The following CRPPA variants were observed in gnomAD, a reference collection of about 807,000 sequenced individuals.
CRPPA encodes the protein D-ribitol-5-phosphate cytidylyltransferase.
In CRPPA, 43 loss-of-function variants were observed where a neutral mutation model predicts 52.0. That is an observed-to-expected ratio of 0.83 (90% confidence interval 0.65 to 1.07). CRPPA has a LOEUF of 1.07. CRPPA is among the 50% of genes least tolerant of loss of function. CRPPA has a pLI of 0.00. For synonymous variants in CRPPA, 250 were observed against 203.5 expected (o/e 1.23, Z -1.94); for missense variants, 629 against 551.7 (o/e 1.14, Z -1.40).
chr7:16,389,925 AAAAAT>A (rs1441696800), intron 2 of CRPPA, among the ~76,000 whole-genome samples: 19 of 72,362 alleles, frequency 2.6e-4, no homozygotes, highest in East Asian at 1.8e-3. Context: ...AAAAAAAAAA[AAAAAT>A]ATATATATAT....
chr7:16,380,885 T>C (rs1196851372), intron 2 of CRPPA, among the ~76,000 whole-genome samples: 7 of 152,130 alleles, frequency 4.6e-5, no homozygotes, highest in Admixed American at 4.6e-4. Flanking sequence ...CTCTCTTTTC[T>C]TCTTTATTAG....
chr7:16,168,999 G>A (rs981747998), intron 9 of CRPPA, among the ~76,000 whole-genome samples: 27 of 152,098 alleles, frequency 1.8e-4, no homozygotes, highest in African/African-American at 6.5e-4. Context: ...AACTCTATGG[G>A]AAATTTTGTT....
intron 8 of CRPPA, among the ~76,000 whole-genome samples, chr7:16,238,566 CTT>C (rs1783012333): frequency 1.3e-5 from 2 of 152,070 alleles, no homozygotes; most frequent in South Asian, 2.1e-4. Context: ...AAAATTTAGA[CTT>C]AATCTGTAAA....
At chr7:16,360,918 C>T (rs1786426344) in intron 3 of CRPPA, among the ~76,000 whole-genome samples, 1 of 151,652 alleles carries the variant, frequency 6.6e-6, no homozygotes, top group African/African-American at 2.4e-5. Context: ...GAAGATGTAT[C>T]AATAAAAAAA....
chr7:16,286,081 A>ATAT (rs71007758), intron 5 of CRPPA, among the ~76,000 whole-genome samples: 1 of 28,254 alleles, frequency 3.5e-5, no homozygotes, highest in Non-Finnish European at 6.4e-5. Flanking sequence ...ATATATATAT[A>ATAT]ATATTTAAAA....
chr7:16,281,747 A>G (rs1231249501), intron 5 of CRPPA, among the ~76,000 whole-genome samples: 1 of 152,214 alleles, frequency 6.6e-6, no homozygotes. Flanking sequence ...GCTTTTAATA[A>G]AAATTCAGTA....
intron 9 of CRPPA, among the ~76,000 whole-genome samples, chr7:16,203,688 T>C (rs563827804): frequency 3.3e-5 from 5 of 152,262 alleles, no homozygotes; most frequent in African/African-American, 1.2e-4. Context: ...GAAGCCATTA[T>C]CTTAGAATTT....
At chr7:16,318,063 T>C (rs918152680) in intron 3 of CRPPA, among the ~76,000 whole-genome samples, 1 of 152,190 alleles carries the variant, frequency 6.6e-6, no homozygotes, top group Non-Finnish European at 1.5e-5. Context: ...AGTCTCTAAC[T>C]GGAAGCTCCA....
At chr7:16,231,889 A>G (rs144195957) in intron 8 of CRPPA, among the ~76,000 whole-genome samples, 1 of 152,218 alleles carries the variant, frequency 6.6e-6, no homozygotes, top group East Asian at 1.9e-4. Flanking sequence ...TGAGCTGTAC[A>G]TGTACCCCAT....
intron 9 of CRPPA, among the ~76,000 whole-genome samples, chr7:16,106,857 G>C (rs993077885): frequency 6.6e-6 from 1 of 152,070 alleles, no homozygotes; most frequent in Non-Finnish European, 1.5e-5. Flanking sequence ...AAAAAGTTCA[G>C]TGAACTATAA....
At chr7:16,161,848 T>C (rs1356033689) in intron 9 of CRPPA, among the ~76,000 whole-genome samples, 2 of 152,200 alleles carry the variant, frequency 1.3e-5, no homozygotes, top group Non-Finnish European at 2.9e-5. Context: ...TATTAATTAC[T>C]GCCTCAATTT....
intron 8 of CRPPA, among the ~76,000 whole-genome samples, chr7:16,257,977 A>C (rs1235916060): frequency 2.6e-5 from 4 of 152,122 alleles, no homozygotes; most frequent in Non-Finnish European, 5.9e-5. Context: ...AACAGAGAAA[A>C]TGAAACAACC....
chr7:16,093,930 T>C (rs1781887266), intron 9 of CRPPA, among the ~76,000 whole-genome samples: 1 of 152,132 alleles, frequency 6.6e-6, no homozygotes, highest in African/African-American at 2.4e-5. Flanking sequence ...CTTTCAAAAA[T>C]AAACAGAACA....
At chr7:16,243,894 G>C (rs1258659580) in intron 8 of CRPPA, among the ~76,000 whole-genome samples, 1 of 152,152 alleles carries the variant, frequency 6.6e-6, no homozygotes, top group African/African-American at 2.4e-5. Context: ...TTGAGCCTGG[G>C]AGATGGAGGC....
intron 8 of CRPPA, among the ~76,000 whole-genome samples, chr7:16,238,024 G>C (rs1469587467): frequency 6.6e-6 from 1 of 152,172 alleles, no homozygotes. Flanking sequence ...ATGGTAGATA[G>C]AAGGGAAAGG....
intron 3 of CRPPA, among the ~76,000 whole-genome samples, chr7:16,370,238 C>A (rs918553032): frequency 6.6e-6 from 1 of 152,180 alleles, no homozygotes; most frequent in Non-Finnish European, 1.5e-5. Flanking sequence ...CAAGGGTAAG[C>A]TGGAAGTGTG....
rs1293581650 is a variant in CRPPA at position 16,216,063 on chromosome 7, T to A, written c.1251+3A>T. 7 of 1,577,696 alleles carry A rather than the reference T, an allele frequency of 4.4e-6. No homozygotes were observed. The South Asian group carries it at 8.2e-5, about 19-fold the overall frequency. On this transcript the variant is annotated splice_donor_region_variant and intron_variant, in intron 9 of 9. Coordinates refer to ENST00000407010, the MANE Select transcript of CRPPA (RefSeq NM_001101426.4). ...ACATTCGGAAGATAAACATTTTACC[T>A]ACCTGTGGGTAAGATATGAGAAGCC...
chr7:16,355,938 A>C (rs891970042), intron 3 of CRPPA, among the ~76,000 whole-genome samples: 6 of 152,230 alleles, frequency 3.9e-5, no homozygotes, highest in Non-Finnish European at 8.8e-5. Flanking sequence ...CACTACTGTA[A>C]GTAATTGTAA....
intron 9 of CRPPA, among the ~76,000 whole-genome samples, chr7:16,194,373 C>G (rs1781683104): frequency 6.6e-6 from 1 of 152,072 alleles, no homozygotes. Context: ...CACACAGATA[C>G]TTTTGTTACC....
Sources: gnomAD v4.1 joint callset for allele counts (sites outside exome capture counted in the v4.1 genomes callset) on GRCh38, gnomAD v4.1.1 for gene constraint, MANE v1.5 for transcripts, NCBI Gene and HGNC (gene_info 2026-07-23, HGNC 2026-07-21) for gene names.